Variants in ST3GAL5 observed in about 807,000 individuals in gnomAD.
ST3GAL5 encodes lactosylceramide alpha-2,3-sialyltransferase.
ST3GAL5 carries 25 observed loss-of-function variants against 46.1 expected under a neutral mutation model. That is an observed-to-expected ratio of 0.54 (90% CI 0.40 to 0.76). ST3GAL5 has a LOEUF of 0.76. Ranked by LOEUF, ST3GAL5 falls within the 30% of genes least tolerant of loss-of-function variation. The pLI, the probability that ST3GAL5 is intolerant of heterozygous loss-of-function variation, is 0.00. For synonymous variants in ST3GAL5, 182 were observed against 192.7 expected, an observed-to-expected ratio of 0.94 and a Z score of 0.46; for missense variants, 431 against 521.2, an observed-to-expected ratio of 0.83 and a Z score of 1.69.
chr2:85,842,535 G>C (rs1027449494), intron 6 of ST3GAL5, among the ~76,000 whole-genome samples: 2 of 152,148 alleles, frequency 1.3e-5, no homozygotes, highest in Non-Finnish European at 2.9e-5. Flanking sequence ...TGCAACTTTA[G>C]ATCAGAAGTC....
chr2:85,883,909 T>C (rs1687473225), intron 1 of ST3GAL5, among the ~76,000 whole-genome samples: 1 of 152,144 alleles, frequency 6.6e-6, no homozygotes, highest in African/African-American at 2.4e-5. Context: ...ATGACGGCAC[T>C]GCCCAGGAGC....
At chr2:85,847,826 A>T in intron 4 of ST3GAL5, 35 bp downstream of exon 4, 1 of 1,609,736 alleles carries the variant, frequency 6.2e-7, no homozygotes, top group Non-Finnish European at 8.5e-7. Context: ...AACAATAAAA[A>T]TAAGTAAACA....
At position 85,888,743 on chromosome 2, in the gene ST3GAL5, G is replaced by T. The variant is rs574420693; in HGVS notation, c.82+81C>A. On this transcript the variant is annotated intron_variant, in intron 1 of 6. Transcript: ENST00000638572. ...CGAGGCGGAAACGCCGCGCCCAGCC[G>T]GCCCGGGAAGAGACAAGTCGCCGCC... is the stretch of plus-strand genomic sequence containing the variant. The T allele has an allele frequency of 6.5e-6, 7 of 1,073,402 alleles. No homozygotes were observed. The South Asian group carries it at 1.8e-4, about 28-fold the overall frequency. 66.5% of individuals were successfully genotyped at this position (1,073,402 alleles called of 1,614,324 possible). A position where few individuals can be genotyped will look rare whatever the true frequency, so the allele number is the denominator to read the frequency against.
chr2:85,862,950 G>A (rs1229573023), intron 2 of ST3GAL5, among the ~76,000 whole-genome samples: 1 of 152,276 alleles, frequency 6.6e-6, no homozygotes, highest in South Asian at 2.1e-4. Context: ...TCAAACACCT[G>A]TCATCATTTT....
rs1321160679 is a variant in ST3GAL5, at chr2:85,862,764, TC to T, written c.206+597del. Among the ~76,000 whole-genome samples the T allele has an allele frequency of 3.9e-5, 6 of 152,178 alleles. No homozygotes were observed. In the East Asian group the frequency reaches 1.2e-3, roughly 29 times the overall value. On this transcript the variant is annotated intron_variant, in intron 2 of 6. Transcript: ENST00000638572. ...TATAAATTTCCTTTTCCCCTACACT[TC>T]CTAAGTCAGTAAAGTGAGACAGAAG...
At chr2:85,847,302 G>A (rs567100664) in intron 4 of ST3GAL5, 1 of 908,730 alleles carries the variant, frequency 1.1e-6, no homozygotes, top group Non-Finnish European at 1.3e-6. Context: ...CCCTGTCTGG[G>A]AGTTGTGGTC....
intron 1 of ST3GAL5, among the ~76,000 whole-genome samples, chr2:85,879,708 T>C (rs1686949065): frequency 6.6e-6 from 1 of 152,130 alleles, no homozygotes; most frequent in Non-Finnish European, 1.5e-5. Flanking sequence ...ATACAAGTAG[T>C]TGGGCTGAAT....
chr2:85,861,476 ATT>A (rs747607850), intron 2 of ST3GAL5, among the ~76,000 whole-genome samples, 184 bp from the exon 3 acceptor site: 1 of 152,186 alleles, frequency 6.6e-6, no homozygotes, highest in African/African-American at 2.4e-5. Context: ...TAAACTAGTC[ATT>A]TATGACTGTC....
intron 1 of ST3GAL5, among the ~76,000 whole-genome samples, chr2:85,863,982 A>G (rs1223781222): frequency 6.6e-6 from 1 of 152,200 alleles, no homozygotes; most frequent in East Asian, 1.9e-4. Flanking sequence ...CTGGGATTAC[A>G]TGCATGAGCC....
At chr2:85,883,187 T>A (rs976846045) in intron 1 of ST3GAL5, among the ~76,000 whole-genome samples, 1 of 152,158 alleles carries the variant, frequency 6.6e-6, no homozygotes, top group Admixed American at 6.5e-5. Flanking sequence ...TTGAATTGTG[T>A]CTCCCAGAAT....
At chr2:85,878,390 C>T (rs923780582) in intron 1 of ST3GAL5, among the ~76,000 whole-genome samples, 1 of 151,754 alleles carries the variant, frequency 6.6e-6, no homozygotes, top group African/African-American at 2.4e-5. Flanking sequence ...GGGGGTCATG[C>T]TATCTACACC....
chr2:85,840,816 C>A (rs202058107), intron 6 of ST3GAL5, among the ~76,000 whole-genome samples: 1 of 151,358 alleles, frequency 6.6e-6, no homozygotes, highest in Admixed American at 6.6e-5. Flanking sequence ...TGGTGGCACA[C>A]GCCTGTAGTC....
chr2:85,867,590 G>C (rs1267645135), intron 1 of ST3GAL5: 1 of 781,028 alleles, frequency 1.3e-6, no homozygotes, highest in Admixed American at 1.7e-5. Flanking sequence ...AAAGAAACGT[G>C]TGATGGGGAC....
intron 6 of ST3GAL5, 100 bp from the exon 7 acceptor site, chr2:85,840,492 A>G (rs780177424): frequency 1.5e-6 from 2 of 1,306,296 alleles, no homozygotes; most frequent in Non-Finnish European, 2.2e-6. Flanking sequence ...TGAAAGCTAC[A>G]TTGGGGGCTG....
intron 4 of ST3GAL5, 103 bp from the exon 5 acceptor site, chr2:85,846,666 CTAAGAA>C (rs1682828949): frequency 8.6e-7 from 1 of 1,157,314 alleles, no homozygotes; most frequent in Non-Finnish European, 1.3e-6. Context: ...CTTCTTATGA[CTAAGAA>C]TGAGTGCATG....
At chr2:85,860,490 A>G (rs1419514361) in intron 3 of ST3GAL5, among the ~76,000 whole-genome samples, 1 of 152,236 alleles carries the variant, frequency 6.6e-6, no homozygotes, top group Non-Finnish European at 1.5e-5. Context: ...TTGATTTGGA[A>G]ACATAAATGT....
At chr2:85,861,655 A>AAAG (rs1684745153) in intron 2 of ST3GAL5, among the ~76,000 whole-genome samples, 1 of 150,880 alleles carries the variant, frequency 6.6e-6, no homozygotes, top group Non-Finnish European at 1.5e-5. Context: ...TAAAAAAAAA[A>AAAG]AAAAAAAAGA....
At chr2:85,884,663 A>G (rs1342224675) in intron 1 of ST3GAL5, among the ~76,000 whole-genome samples, 2 of 152,162 alleles carry the variant, frequency 1.3e-5, no homozygotes, top group African/African-American at 4.8e-5. Context: ...GCTAGAGTAT[A>G]GATTAGAGAT....
At position 85,871,611 on chromosome 2, in the gene ST3GAL5, T is replaced by C. The variant is rs542639041; in HGVS notation, c.83-8126A>G. On this transcript the variant is annotated intron_variant, in intron 1 of 6. Coordinates refer to ENST00000638572, the MANE Select transcript of ST3GAL5 (RefSeq NM_003896.4). ...GAGAGGGATAAGCCGACATATGATC[T>C]AGTGAACCTAAAAAAACTTATATCA... Among the ~76,000 whole-genome samples the C allele has an allele frequency of 7.2e-5, 11 of 152,308 alleles. No individual in the cohort carries two copies. In the South Asian group the frequency reaches 1.5e-3, roughly 20 times the overall value.
Sources: allele counts gnomAD v4.1 joint callset (sites outside exome capture counted in the v4.1 genomes callset), GRCh38; gene constraint gnomAD v4.1.1; transcripts MANE v1.5; gene names NCBI Gene and HGNC (gene_info 2026-07-23, HGNC 2026-07-21).